MYO3A: variants seen among roughly 807,000 people sequenced by gnomAD.
The protein encoded by MYO3A is myosin IIIA.
In MYO3A, 180 loss-of-function variants were observed where a neutral mutation model predicts 192.7. The ratio of observed to expected loss-of-function variants is 0.93; its 90% CI spans 0.83 to 1.06. MYO3A has a LOEUF of 1.06. Among genes scored for constraint, MYO3A ranks in the 50% least tolerant of loss-of-function variants. The probability of loss-of-function intolerance (pLI) is 0.00; values close to 1 mark genes in which losing one functional copy is unlikely to be tolerated. For synonymous variants in MYO3A, 628 were observed against 645.3 expected (o/e 0.97, Z 0.41); for missense variants, 1,896 against 1,905.0 (o/e 1.00, Z 0.09).
chr10:26,167,438 A>G (rs1174429278), intron 27 of MYO3A, among the ~76,000 whole-genome samples: 1 of 152,182 alleles, frequency 6.6e-6, no homozygotes, highest in African/African-American at 2.4e-5. Flanking sequence ...CAAAATGATC[A>G]ATTTTATCAG....
chr10:26,066,643 A>G (rs1426249022), intron 10 of MYO3A, among the ~76,000 whole-genome samples: 4 of 152,232 alleles, frequency 2.6e-5, no homozygotes, highest in Non-Finnish European at 4.4e-5. Flanking sequence ...TAGGAATGTA[A>G]TGAATTCAAA....
chr10:26,034,384 C>T (rs146018536), intron 10 of MYO3A, among the ~76,000 whole-genome samples: 1,654 of 152,298 alleles, frequency 0.011, 12 homozygotes, highest in Non-Finnish European at 0.017. Context: ...AGGATGGCAA[C>T]GCCACTGTCT....
intron 4 of MYO3A, among the ~76,000 whole-genome samples, chr10:25,962,550 G>T (rs1838001329): frequency 1.3e-5 from 2 of 152,132 alleles, no homozygotes; most frequent in African/African-American, 4.8e-5. Flanking sequence ...TTTTCTGTTT[G>T]TTTCTACCTA....
intron 10 of MYO3A, among the ~76,000 whole-genome samples, chr10:26,027,110 AT>A (rs1333582315): frequency 6.6e-6 from 1 of 152,100 alleles, no homozygotes; most frequent in African/African-American, 2.4e-5. Flanking sequence ...TAGATTTGGG[AT>A]TTAAAAAAAC....
intron 31 of MYO3A, among the ~76,000 whole-genome samples, chr10:26,188,438 A>T (rs919493134): frequency 1.3e-5 from 2 of 152,124 alleles, no homozygotes; most frequent in South Asian, 4.1e-4. Flanking sequence ...CCCATTCTGT[A>T]GGTTGCCTAT....
At position 25,954,923 on chromosome 10, in the gene MYO3A, C is replaced by T. The variant is rs746098287; in HGVS notation, c.218C>T (p.Ser73Phe). The T allele has an allele frequency of 6.2e-7, 1 of 1,612,494 alleles. No individual in the cohort carries two copies. The highest frequency in any genetic ancestry group is 1.1e-5 in the South Asian group (1 of 91,046). ...GAATATAACATCTTAAAAGCACTTT[C>T]TGACCACCCTAATGTGGTCAGATTC... ...EAEYNILKAL[S>F]DHPNVVRFYG... The change falls in exon 4 of 35, where the codon TCT becomes TTT. Residue 73 changes from serine to phenylalanine, a missense_variant. Transcript: ENST00000642920.
In MYO3A at chr10:26,173,520, A is replaced by G. The variant is rs542552735; in HGVS notation, c.3399-143A>G. On this transcript the variant is annotated intron_variant, in intron 29 of 34. Coordinates refer to ENST00000642920, the MANE Select transcript of MYO3A (RefSeq NM_017433.5). ...GAACATTCTGGAAAGCACTTGATTA[A>G]TGTGACTTGATACTTTTTAATTTTG... 3.6e-4 allele frequency: 254 copies of G among 709,096 alleles called. 1 individual carries two copies. Among genetic ancestry groups the G allele is most frequent in the Middle Eastern group, 8.0e-4 (2 of 2,508 alleles). 43.9% of individuals were successfully genotyped at this position (709,096 alleles called of 1,614,324 possible).
intron 34 of MYO3A, among the ~76,000 whole-genome samples, chr10:26,207,697 C>T (rs1844036279): frequency 6.6e-6 from 1 of 152,280 alleles, no homozygotes; most frequent in South Asian, 2.1e-4. Flanking sequence ...AGTTTGAAAT[C>T]AGATAGTGTG....
At chr10:25,993,152 G>A (rs1054620471) in intron 4 of MYO3A, among the ~76,000 whole-genome samples, 30 of 151,668 alleles carry the variant, frequency 2.0e-4, no homozygotes, top group African/African-American at 6.8e-4. Context: ...TTTTTTTTTG[G>A]TTGGTAAGCT....
At chr10:26,173,008 C>A (rs1435932375) in intron 29 of MYO3A, among the ~76,000 whole-genome samples, 2 of 150,968 alleles carry the variant, frequency 1.3e-5, no homozygotes, top group Non-Finnish European at 2.9e-5. Flanking sequence ...TCCATCTTAA[C>A]TTTTTTCTTG....
chr10:25,985,421 TAAATG>T (rs1839593114), intron 4 of MYO3A, among the ~76,000 whole-genome samples: 1 of 150,502 alleles, frequency 6.6e-6, no homozygotes, highest in Non-Finnish European at 1.5e-5. Context: ...AAACAACAGA[TAAATG>T]AAATAAAAAG....
intron 24 of MYO3A, among the ~76,000 whole-genome samples, chr10:26,154,280 C>A (rs980936095): frequency 2.6e-4 from 40 of 152,278 alleles, no homozygotes; most frequent in Admixed American, 1.6e-3. Flanking sequence ...CTCCCAGGCT[C>A]AAGTGATTCT....
chr10:25,948,377 T>C (rs1836996894), intron 2 of MYO3A, among the ~76,000 whole-genome samples: 1 of 152,136 alleles, frequency 6.6e-6, no homozygotes. Context: ...ATATAATAAA[T>C]CTATTCAAAA....
intron 4 of MYO3A, among the ~76,000 whole-genome samples, chr10:25,974,456 A>G (rs1452925858): frequency 2.0e-5 from 3 of 152,156 alleles, no homozygotes; most frequent in Admixed American, 1.3e-4. Flanking sequence ...TGTCTCCCAA[A>G]TACAGTCAGA....
Position 26,125,307 on chromosome 10 carries a change from A to G in MYO3A, c.1904-91A>G, listed in dbSNP as rs912550306. 102 of 1,122,388 alleles carry G rather than the reference A, an allele frequency of 9.1e-5. No homozygotes were observed. The Middle Eastern group carries it at 1.0e-3, about 11-fold the overall frequency. The allele number at this position is 1,122,388 out of a possible 1,614,324, so 69.5% of individuals were successfully genotyped here. ...AATCTCCACACATTTAATTCATGTC[A>G]TTTGAAGAAGGCAGATTAAGACATT... is the stretch of plus-strand genomic sequence containing the variant. On this transcript the variant is annotated intron_variant, in intron 18 of 34. Coordinates refer to ENST00000642920, the MANE Select transcript of MYO3A (RefSeq NM_017433.5).
intron 25 of MYO3A, 126 bp downstream of exon 25, chr10:26,154,949 C>CT: frequency 1.2e-6 from 1 of 833,302 alleles, no homozygotes; most frequent in Non-Finnish European, 2.0e-6. Flanking sequence ...TTGTTAGATA[C>CT]AGGATATGTT....
In MYO3A at chr10:26,166,193, T is replaced by G; in HGVS notation, c.3111+15T>G. On this transcript the variant is annotated intron_variant, in intron 27 of 34. Transcript: ENST00000642920. ...GAAAAACAAAAGTAATGTTTTCATG[T>G]AATTTTCAGGAAAATAAATAATTAT... 1 of 1,562,602 alleles carries G rather than the reference T, an allele frequency of 6.4e-7. No homozygotes were observed. Among genetic ancestry groups the G allele is most frequent in the African/African-American group, 1.4e-5 (1 of 73,914 alleles).
Position 26,120,740 on chromosome 10 carries a change from C to T in MYO3A, c.1841C>T (p.Ser614Phe), listed in dbSNP as rs754267104. 1.8e-5 allele frequency: 29 copies of T among 1,613,940 alleles called. No homozygotes were observed. Among genetic ancestry groups the T allele is most frequent in the Middle Eastern group, 1.6e-4 (1 of 6,082 alleles). ...ILNVGNIEFS[S>F]VATEHQIDKS... ...AATGTTGGCAACATTGAATTTTCTT[C>T]TGTGGCAACTGAACACCAGATTGAC... Residue 614 changes from serine to phenylalanine, a missense_variant, in exon 18 of 35, where the codon TCT becomes TTT. Transcript: ENST00000642920.
intron 2 of MYO3A, among the ~76,000 whole-genome samples, chr10:25,940,151 G>A (rs554113557): frequency 6.6e-6 from 1 of 152,152 alleles, no homozygotes; most frequent in South Asian, 2.1e-4. Context: ...TCACTGGTGA[G>A]TGTAGTCCAG....
Sources: allele counts gnomAD v4.1 joint callset (sites outside exome capture counted in the v4.1 genomes callset), GRCh38; gene constraint gnomAD v4.1.1; transcripts MANE v1.5; gene names NCBI Gene and HGNC (gene_info 2026-07-23, HGNC 2026-07-21).